Variants in MYO3A observed in about 807,000 individuals in gnomAD.
MYO3A encodes myosin IIIA.
MYO3A carries 180 observed loss-of-function variants against 192.7 expected under a neutral mutation model. The ratio of observed to expected loss-of-function variants is 0.93; its 90% confidence interval spans 0.83 to 1.06. The LOEUF (loss-of-function observed/expected upper bound fraction) is 1.06, where lower values mean the gene tolerates loss of function less well. MYO3A is among the 50% of genes least tolerant of loss of function. The pLI is 0.00. For synonymous variants in MYO3A, 628 were observed against 645.3 expected (o/e 0.97, Z 0.41); for missense variants, 1,896 against 1,905.0 (o/e 1.00, Z 0.09).
At chr10:25,992,680 C>A (rs1184619713) in intron 4 of MYO3A, among the ~76,000 whole-genome samples, 1 of 152,114 alleles carries the variant, frequency 6.6e-6, no homozygotes, top group Non-Finnish European at 1.5e-5. Context: ...GAGATATGTC[C>A]CATCAATACC....
intron 20 of MYO3A, among the ~76,000 whole-genome samples, chr10:26,135,966 CAAAAA>C (rs55885370): frequency 3.0e-5 from 3 of 100,228 alleles, no homozygotes; most frequent in Admixed American, 1.2e-4. Context: ...AACTCCATCT[CAAAAA>C]AAAAAAAAAA....
chr10:26,144,036 A>C (rs1157553490), intron 21 of MYO3A, among the ~76,000 whole-genome samples: 1 of 152,200 alleles, frequency 6.6e-6, no homozygotes, highest in Non-Finnish European at 1.5e-5. Context: ...ATACCTTAAT[A>C]ACCTCTAAGT....
chr10:26,001,175 C>T (rs1318688715), intron 6 of MYO3A, among the ~76,000 whole-genome samples: 2 of 152,152 alleles, frequency 1.3e-5, no homozygotes, highest in African/African-American at 2.4e-5. Context: ...CACTCTCACT[C>T]GCCATTCCTG....
rs1276221614 is a variant in MYO3A, at chr10:26,154,842, A to T, written c.2793+19A>T. On this transcript the variant is annotated intron_variant, in intron 25 of 34. Coordinates refer to ENST00000642920, the MANE Select transcript of MYO3A (RefSeq NM_017433.5). Reference sequence around the variant, plus strand: ...TTTTAGAGTAAGATATTAAACTATGATGTATTGTGCTTAGGGGTGCTATTT... The same window carrying T: ...TTTTAGAGTAAGATATTAAACTATGTTGTATTGTGCTTAGGGGTGCTATTT... 2 of 1,595,808 alleles carry T rather than the reference A, an allele frequency of 1.3e-6. No homozygotes were observed. The highest frequency in any genetic ancestry group is 2.3e-5 in the East Asian group (1 of 44,404).
chr10:25,950,964 TTTATAGAAA>T (rs1264385689), intron 2 of MYO3A, among the ~76,000 whole-genome samples: 1 of 152,152 alleles, frequency 6.6e-6, no homozygotes, highest in Non-Finnish European at 1.5e-5. Flanking sequence ...TTTTTGTAGT[TTTATAGAAA>T]TGATATAATA....
At chr10:26,067,538 G>A (rs1015704514) in intron 11 of MYO3A, among the ~76,000 whole-genome samples, 2 of 152,158 alleles carry the variant, frequency 1.3e-5, no homozygotes, top group Admixed American at 6.5e-5. Flanking sequence ...GAAACTCTGG[G>A]ATACCTCAAC....
chr10:25,958,946 T>A (rs1298990462), intron 4 of MYO3A, among the ~76,000 whole-genome samples: 2 of 151,958 alleles, frequency 1.3e-5, no homozygotes, highest in African/African-American at 4.8e-5. Flanking sequence ...AGTGGGATTG[T>A]TTTTTATCTG....
At chr10:26,197,571 GT>G (rs1367520557) in intron 32 of MYO3A, among the ~76,000 whole-genome samples, 1 of 152,058 alleles carries the variant, frequency 6.6e-6, no homozygotes, top group Non-Finnish European at 1.5e-5. Context: ...GTTGTTGGTG[GT>G]GGTGGTTTTG....
chr10:26,152,817 C>A (rs1324872590), intron 23 of MYO3A, among the ~76,000 whole-genome samples: 1 of 152,110 alleles, frequency 6.6e-6, no homozygotes, highest in African/African-American at 2.4e-5. Context: ...GAAACTGTGG[C>A]ACACACCCGT....
At chr10:25,941,027 A>G (rs1836454783) in intron 2 of MYO3A, among the ~76,000 whole-genome samples, 2 of 152,048 alleles carry the variant, frequency 1.3e-5, no homozygotes, top group Non-Finnish European at 2.9e-5. Flanking sequence ...TCAAATTCTG[A>G]TTAGATTTGT....
chr10:25,965,815 T>G (rs1275022181), intron 4 of MYO3A, among the ~76,000 whole-genome samples: 1 of 152,050 alleles, frequency 6.6e-6, no homozygotes, highest in East Asian at 1.9e-4. Context: ...TTTTCCTTTC[T>G]GCTCTAACAG....
chr10:26,161,086 A>G (rs977623174), intron 26 of MYO3A, among the ~76,000 whole-genome samples: 2 of 152,250 alleles, frequency 1.3e-5, no homozygotes, highest in African/African-American at 4.8e-5. Context: ...TAGAGAACAC[A>G]TGAATAGCTG....
chr10:26,143,058 C>T (rs894029988), intron 20 of MYO3A, among the ~76,000 whole-genome samples: 19 of 152,050 alleles, frequency 1.2e-4, no homozygotes, highest in Non-Finnish European at 1.0e-4. Context: ...AGGCCGGGCG[C>T]GGTGGCTCAT....
intron 20 of MYO3A, 25 bp downstream of exon 20, chr10:26,128,563 TATGC>T: frequency 3.2e-6 from 5 of 1,585,482 alleles, no homozygotes; most frequent in Non-Finnish European, 4.3e-6. Context: ...TTACTATAAA[TATGC>T]ATGCATGCAT....
At chr10:26,093,708 G>C (rs1836840988) in intron 15 of MYO3A, among the ~76,000 whole-genome samples, 1 of 152,034 alleles carries the variant, frequency 6.6e-6, no homozygotes, top group Non-Finnish European at 1.5e-5. Flanking sequence ...AAATTCTTCT[G>C]ACATTATGGC....
intron 4 of MYO3A, among the ~76,000 whole-genome samples, chr10:25,964,472 C>T (rs1838139596): frequency 6.6e-6 from 1 of 152,080 alleles, no homozygotes; most frequent in Non-Finnish European, 1.5e-5. Context: ...AAAAATAAAA[C>T]TAATAAAAAC....
At chr10:25,967,199 TAGATA>T (rs2041039178) in intron 4 of MYO3A, among the ~76,000 whole-genome samples, 1 of 152,182 alleles carries the variant, frequency 6.6e-6, no homozygotes, top group South Asian at 2.1e-4. Flanking sequence ...AAAACCCACA[TAGATA>T]TATGTAGAGT....
At chr10:26,064,541 C>G (rs992399260) in intron 10 of MYO3A, among the ~76,000 whole-genome samples, 4 of 127,314 alleles carry the variant, frequency 3.1e-5, no homozygotes, top group African/African-American at 1.1e-4. Flanking sequence ...AGAGTAGTGA[C>G]ATGATCTGAC....
chr10:26,211,809 A>G (rs2132255810), intron 34 of MYO3A, 34 bp from the exon 35 acceptor site: 1 of 1,613,614 alleles, frequency 6.2e-7, no homozygotes, highest in South Asian at 1.1e-5. Flanking sequence ...CACTGTGGTG[A>G]GGTTGACACT....
Sources: allele counts gnomAD v4.1 joint callset (sites outside exome capture counted in the v4.1 genomes callset), GRCh38; gene constraint gnomAD v4.1.1; transcripts MANE v1.5; gene names NCBI Gene and HGNC (gene_info 2026-07-23, HGNC 2026-07-21).